The following MAP7D1 variants were observed in gnomAD, a reference collection of about 807,000 sequenced individuals.
MAP7D1 encodes MAP7 domain-containing protein 1.
MAP7D1 carries 30 observed loss-of-function variants against 97.5 expected under a neutral mutation model. The observed-to-expected ratio is 0.31, with a 90% CI of 0.23 to 0.42. The LOEUF (loss-of-function observed/expected upper bound fraction) is 0.42, where lower values mean the gene tolerates loss of function less well. MAP7D1 is among the 10% of genes least tolerant of loss of function. The pLI is 1.00. For missense variants in MAP7D1, 1,184 were observed against 1,179.5 expected (o/e 1.00, Z -0.06); for synonymous variants, 536 against 477.1 (o/e 1.12, Z -1.61).
At chr1:36,157,933 C>T (rs1048208759) in intron 1 of MAP7D1, among the ~76,000 whole-genome samples, 22 of 151,990 alleles carry the variant, frequency 1.4e-4, no homozygotes, top group African/African-American at 4.8e-4. Context: ...TGAGAGGGGA[C>T]ACCCAGGGAG....
rs1431873910 is a variant in MAP7D1, at chr1:36,174,992, G to A, written c.834G>A (p.Trp278Ter). ...KRLSKSSATLWNSPSRNRSLQ... is the reference protein window; with the variant it reads ...KRLSKSSATL Reference sequence around the variant, plus strand: ...TCTCAAAGTCCTCTGCCACGCTCTGGAACTCCCCCAGTAGAAGTAAGAGAA... The same window carrying A: ...TCTCAAAGTCCTCTGCCACGCTCTGAAACTCCCCCAGTAGAAGTAAGAGAA... The change falls in exon 6 of 17, where the codon TGG (tryptophan) becomes TGA (stop). Residue 278 changes from tryptophan to a stop codon, truncating the protein, a stop_gained. Transcript: ENST00000474796. LOFTEE classifies it high-confidence loss of function. The A allele has an allele frequency of 6.2e-7, 1 of 1,613,284 alleles. No homozygotes were observed. The highest frequency in any genetic ancestry group is 1.7e-5 in the Admixed American group (1 of 60,014).
rs1644651623 is a variant in MAP7D1, at chr1:36,177,933, C to G, written c.1440C>G (p.Pro480=). The change falls in exon 9 of 17, where the codon CCC becomes CCG. Residue 480 remains proline, a synonymous_variant. Transcript: ENST00000474796. ...CATCCTGGCACAGGCCTGCCTCCCC[C>G]TGCCCCAGCCCAGGGCCAGGCCACA... ...PSTSWHRPAS[P]CPSPGPGHTL... 1 of 1,576,618 alleles carries G rather than the reference C, an allele frequency of 6.3e-7. No homozygotes were observed. The highest frequency in any genetic ancestry group is 1.8e-5 in the Admixed American group (1 of 55,858).
intron 1 of MAP7D1, among the ~76,000 whole-genome samples, chr1:36,158,173 C>T (rs1236746895): frequency 2.6e-5 from 4 of 151,690 alleles, no homozygotes; most frequent in Non-Finnish European, 5.9e-5. Context: ...GGGAGGGCTG[C>T]GTCAGGGGCC....
At chr1:36,179,060 C>A in intron 12 of MAP7D1, 35 bp downstream of exon 12, 3 of 1,532,324 alleles carry the variant, frequency 2.0e-6, no homozygotes, top group East Asian at 2.5e-5. Flanking sequence ...GTGGGCGGGG[C>A]CTGGGCAGGG....
Position 36,178,989 on chromosome 1 carries a change from C to A in MAP7D1, c.2094C>A (p.Phe698Leu), listed in dbSNP as rs374815047. 6.4e-7 allele frequency: 1 copy of A among 1,558,362 alleles called. No homozygotes were observed. The highest frequency in any genetic ancestry group is 8.7e-7 in the Non-Finnish European group (1 of 1,151,432). Residue 698 changes from phenylalanine (F) to leucine (L), a missense_variant, in exon 12 of 17, where the codon TTC becomes TTA. Transcript: ENST00000474796. ...ERQRLEREKHFQQQEQERQER... is the reference protein window; with the variant it reads ...ERQRLEREKHLQQQEQERQER... Reference sequence around the variant, plus strand: ...AGCGTCTGGAGCGGGAAAAGCACTTCCAGCAGCAGGAGCAAGAGCGGCAAG... The same window carrying A: ...AGCGTCTGGAGCGGGAAAAGCACTTACAGCAGCAGGAGCAAGAGCGGCAAG...
chr1:36,178,764 C>G lies in MAP7D1; in HGVS notation c.1966C>G (p.Gln656Glu), dbSNP rs913716709. The G allele has an allele frequency of 1.9e-6, 3 of 1,546,868 alleles. No homozygotes were observed. Among genetic ancestry groups the G allele is most frequent in the Non-Finnish European group, 2.6e-6 (3 of 1,145,684 alleles). Reference sequence around the variant, plus strand: ...GGCGGAGGCCCGGAGGCGGGAGGAGCAGGAGGCACGAGAGAAGGCGCAGGC... The same window carrying G: ...GGCGGAGGCCCGGAGGCGGGAGGAGGAGGAGGCACGAGAGAAGGCGCAGGC... ...REAEARRREEQEAREKAQAEQ... is the reference protein window; with the variant it reads ...REAEARRREEEEAREKAQAEQ... Residue 656 changes from glutamine to glutamate, a missense_variant, in exon 11 of 17, where the codon CAG becomes GAG. Gln to Glu is a conservative substitution (Grantham distance 29). Transcript: ENST00000474796.
chr1:36,179,345 G>A, intron 13 of MAP7D1, 30 bp downstream of exon 13: 1 of 1,613,328 alleles, frequency 6.2e-7, no homozygotes, highest in Non-Finnish European at 8.5e-7. Context: ...GCAGTGCTGG[G>A]CGTGGGGGGC....
intron 6 of MAP7D1, 148 bp downstream of exon 6, chr1:36,175,156 C>T (rs554565428): frequency 6.3e-5 from 40 of 634,402 alleles, no homozygotes; most frequent in Middle Eastern, 3.6e-4. Context: ...GGCTCTGTGC[C>T]CCTCGGGGGA....
At position 36,172,444 on chromosome 1, in the gene MAP7D1, C is replaced by T; in HGVS notation, c.461-20C>T. 6.5e-7 allele frequency: 1 copy of T among 1,542,066 alleles called. No homozygotes were observed. Among genetic ancestry groups the T allele is most frequent in the Non-Finnish European group, 8.8e-7 (1 of 1,135,168 alleles). On this transcript the variant is annotated intron_variant, in intron 3 of 16. Coordinates refer to ENST00000474796, the MANE Select transcript of MAP7D1 (RefSeq NM_001388490.1). ...TCTGCAGAACCCTTCACACACGCCA[C>T]TGGGCTCCTTTGTCCACAGCGGCCA...
intron 5 of MAP7D1, 24 bp downstream of exon 5, chr1:36,173,502 G>A: frequency 6.6e-7 from 1 of 1,523,594 alleles, no homozygotes; most frequent in Non-Finnish European, 9.0e-7. Flanking sequence ...AGGGGCTGGG[G>A]AGTGGGTGGG....
Position 36,178,185 on chromosome 1 carries a change from C to T in MAP7D1, c.1692C>T (p.Pro564=), listed in dbSNP as rs767922582. 1 of 1,571,292 alleles carries T rather than the reference C, an allele frequency of 6.4e-7. No homozygotes were observed. The highest frequency in any genetic ancestry group is 8.6e-7 in the Non-Finnish European group (1 of 1,159,756). The change falls in exon 9 of 17, where the codon CCC becomes CCT. Residue 564 remains proline (P), a synonymous_variant. Transcript: ENST00000474796. ...CCCCGCCCCAGAAGGAGCAGCCCCC[C>T]GCGGAGACCCCTACAGGTAGGAATG... ...TPAPPQKEQP[P]AETPTDAAVL...
At position 36,180,372 on chromosome 1, in the gene MAP7D1, G is replaced by A. The variant is rs549255033; in HGVS notation, c.*114G>A. ...ATGGAAGTGGCCTGGGCCCCTGGGG[G>A]TGGGTCCTCTCTGTTGTTTTTAATC... On this transcript the variant is annotated 3_prime_UTR_variant, in exon 17 of 17. Transcript: ENST00000474796. 4.7e-5 allele frequency: 68 copies of A among 1,460,090 alleles called. No individual in the cohort carries two copies. In the East Asian group the frequency reaches 1.5e-3, roughly 33 times the overall value. 90.4% of individuals were successfully genotyped at this position (1,460,090 alleles called of 1,614,324 possible).
At position 36,171,294 on chromosome 1, in the gene MAP7D1, G is replaced by A. The variant is rs146489104; in HGVS notation, c.370G>A (p.Asp124Asn). 21 of 1,568,816 alleles carry A rather than the reference G, an allele frequency of 1.3e-5. No homozygotes were observed. Among genetic ancestry groups the A allele is most frequent in the East Asian group, 4.5e-5 (2 of 44,470 alleles). The change falls in exon 2 of 17, where the codon GAC (aspartate) becomes AAC (asparagine). Residue 124 changes from aspartate to asparagine, a missense_variant. Transcript: ENST00000474796. ...QPSPTAVPAS[D>N]SPPTKQEVKK... ...ATCTCCAACAGCAGTGCCAGCCTCCGACAGCCCTCCCACCAAGCAAGGTGT... is the reference window on the plus strand; with the variant it reads ...ATCTCCAACAGCAGTGCCAGCCTCCAACAGCCCTCCCACCAAGCAAGGTGT...
At position 36,174,879 on chromosome 1, in the gene MAP7D1, G is replaced by A. The variant is rs762729518; in HGVS notation, c.740-19G>A. On this transcript the variant is annotated intron_variant, in intron 5 of 16. Coordinates refer to ENST00000474796, the MANE Select transcript of MAP7D1 (RefSeq NM_001388490.1). ...TCCTGCCGGGCCCGGCCCTAATGCC[G>A]TGTCTTTTCCCCCTCCAGGTGGGAG... is the stretch of plus-strand genomic sequence containing the variant. 16 of 1,533,228 alleles carry A rather than the reference G, an allele frequency of 1.0e-5. No individual in the cohort carries two copies. In the African/African-American group the frequency reaches 1.2e-4, roughly 12 times the overall value. 95.0% of individuals were successfully genotyped at this position (1,533,228 alleles called of 1,614,324 possible).
At chr1:36,175,213 A>G (rs1369113775) in intron 6 of MAP7D1, among the ~76,000 whole-genome samples, 1 of 152,110 alleles carries the variant, frequency 6.6e-6, no homozygotes, top group Non-Finnish European at 1.5e-5. Flanking sequence ...GCCCTGTAGG[A>G]GAGGAGAACA....
chr1:36,165,086 T>G (rs562100160), intron 1 of MAP7D1, among the ~76,000 whole-genome samples: 1 of 152,308 alleles, frequency 6.6e-6, no homozygotes, highest in Non-Finnish European at 1.5e-5. Context: ...TAGTTGGAAC[T>G]GGGAGGGAGA....
Position 36,177,887 on chromosome 1 carries a change from C to T in MAP7D1, c.1394C>T (p.Ala465Val). ...TTTTCTCTTAGCCCCAAATCCAAGG[C>T]CAGGCCATCCTCTCCCTCCACATCC... ...TASELSPKSK[A>V]RPSSPSTSWH... The change falls in exon 9 of 17, where the codon GCC becomes GTC. Residue 465 changes from alanine to valine, a missense_variant. Coordinates refer to ENST00000474796, the MANE Select transcript of MAP7D1 (RefSeq NM_001388490.1). 6.5e-7 allele frequency: 1 copy of T among 1,536,018 alleles called. No individual in the cohort carries two copies. Among genetic ancestry groups the T allele is most frequent in the Non-Finnish European group, 8.8e-7 (1 of 1,141,578 alleles).
chr1:36,177,587 G>A, intron 8 of MAP7D1: 1 of 683,378 alleles, frequency 1.5e-6, no homozygotes, highest in East Asian at 2.9e-5. Flanking sequence ...AGCACTCAGG[G>A]TGCTGAGGAC....
In MAP7D1 at chr1:36,176,488, C is replaced by A. The variant is rs980908222; in HGVS notation, c.1140C>A (p.His380Gln). 1.5e-5 allele frequency: 21 copies of A among 1,389,044 alleles called. No homozygotes were observed. The African/African-American group carries it at 3.0e-4, about 20-fold the overall frequency. 86.0% of individuals were successfully genotyped at this position (1,389,044 alleles called of 1,614,324 possible). A position where few individuals can be genotyped will look rare whatever the true frequency, so the allele number is the denominator to read the frequency against. Residue 380 changes from histidine to glutamine, a missense_variant, in exon 7 of 17, where the codon CAC (histidine) becomes CAA (glutamine). Physicochemically the swap from His to Gln is conservative, Grantham distance 24. Coordinates refer to ENST00000474796, the MANE Select transcript of MAP7D1 (RefSeq NM_001388490.1). This position sits in a 1 kb window ranked among gnomAD's most constrained non-coding sequence, Gnocchi z 6.1. ...LTPCSVTRSV[H>Q]RCAPAGERGE... is the part of the protein sequence containing the mutation. ...CGTGCAGCGTCACCCGAAGCGTGCA[C>A]CGCTGCGCCCCCGCCGGTGAGCGCG... is the stretch of plus-strand genomic sequence containing the variant.
Sources: gnomAD v4.1 joint callset for allele counts (sites outside exome capture counted in the v4.1 genomes callset) on GRCh38, gnomAD v4.1.1 for gene constraint, Gnocchi (gnomAD v3.1) non-coding constraint, MANE v1.5 for transcripts, NCBI Gene and HGNC (gene_info 2026-07-23, HGNC 2026-07-21) for gene names.